Variants in PCDHGA4 observed in about 807,000 individuals in gnomAD.
PCDHGA4 encodes protocadherin gamma subfamily A, 4, also known as protocadherin gamma-A4.
Under a neutral mutation model 54.6 loss-of-function variants are expected in PCDHGA4, and 38 were observed. The ratio of observed to expected loss-of-function variants is 0.70; its 90% CI spans 0.54 to 0.91. PCDHGA4 has a LOEUF of 0.91. PCDHGA4 is among the 40% of genes least tolerant of loss of function. PCDHGA4 has a pLI of 0.00. For synonymous variants in PCDHGA4, 511 were observed against 512.9 expected, an observed-to-expected ratio of 1.00 and a Z score of 0.05; for missense variants, 1,298 against 1,220.9, an observed-to-expected ratio of 1.06 and a Z score of -0.94.
Position 141,486,552 on chromosome 5 carries a change from A to G in PCDHGA4, c.2515-8255A>G. On this transcript the variant is annotated intron_variant, in intron 1 of 3. Coordinates refer to ENST00000571252, the MANE Select transcript of PCDHGA4 (RefSeq NM_018917.4). This position sits in a 1 kb window ranked among gnomAD's most constrained non-coding sequence, Gnocchi z 5.0. ...CCACCCTCTTTCTTTCAGAGGTCAC[A>G]TGAGGTGTTTGTTCCTGAGAACAAT... is the stretch of plus-strand genomic sequence containing the variant. 1 of 1,614,136 alleles carries G rather than the reference A, an allele frequency of 6.2e-7. No homozygotes were observed. The highest frequency in any genetic ancestry group is 2.2e-5 in the East Asian group (1 of 44,882).
chr5:141,355,835 T>A lies in PCDHGA4; in HGVS notation c.728T>A (p.Leu243His), dbSNP rs971104967. 6.2e-7 allele frequency: 1 copy of A among 1,612,476 alleles called. No individual in the cohort carries two copies. The highest frequency in any genetic ancestry group is 8.5e-7 in the Non-Finnish European group (1 of 1,179,124). Residue 243 changes from leucine to histidine, a missense_variant, in exon 1 of 4, where the codon CTC becomes CAC. Physicochemically the swap from Leu to His is moderately conservative, Grantham distance 99. Coordinates refer to ENST00000571252, the MANE Select transcript of PCDHGA4 (RefSeq NM_018917.4). ...GAAGAGGCGGTTCACCACCTCGTTC[T>A]CACGGCCTTCGATGGAGGTGACCCG... ...REEEAVHHLV[L>H]TAFDGGDPVR...
intron 1 of PCDHGA4, chr5:141,360,587 C>T (rs1186405210): frequency 6.2e-6 from 10 of 1,613,882 alleles, no homozygotes; most frequent in Non-Finnish European, 6.8e-6. Flanking sequence ...CCAGGTACAA[C>T]ATTTCCACTT....
intron 1 of PCDHGA4, chr5:141,374,252 CAGG>C: frequency 6.2e-7 from 1 of 1,613,982 alleles, no homozygotes; most frequent in South Asian, 1.1e-5. Context: ...ACTGGAGCCC[CAGG>C]AGTTGGCGGA....
intron 1 of PCDHGA4, among the ~76,000 whole-genome samples, chr5:141,429,416 T>A (rs527999196): frequency 6.6e-6 from 1 of 152,230 alleles, no homozygotes; most frequent in Admixed American, 6.5e-5. Flanking sequence ...GGTCTCATTA[T>A]GTTGCCCAGG....
chr5:141,358,210 A>C (rs1279106050), intron 1 of PCDHGA4, among the ~76,000 whole-genome samples: 1 of 152,208 alleles, frequency 6.6e-6, no homozygotes, highest in Non-Finnish European at 1.5e-5. Flanking sequence ...AATAAAATAA[A>C]GTAAAATAAA....
intron 2 of PCDHGA4, among the ~76,000 whole-genome samples, chr5:141,499,869 G>A (rs1247615457): frequency 3.3e-5 from 5 of 151,938 alleles, no homozygotes; most frequent in Non-Finnish European, 5.9e-5. Context: ...TGTATTTTCA[G>A]TACAAACAGG....
chr5:141,479,333 G>A (rs2154577502), intron 1 of PCDHGA4: 1 of 152,652 alleles, frequency 6.6e-6, no homozygotes, highest in East Asian at 1.9e-4. Context: ...TCAGTGGTGT[G>A]CACCTGTAGT....
rs1471282660 is a variant in PCDHGA4 at position 141,356,276 on chromosome 5, C to A, written c.1169C>A (p.Ser390Tyr). Reference protein sequence around the residue: ...VTSLTSSVQESSSPGTVIALF... With the variant: ...VTSLTSSVQEYSSPGTVIALF... ...TCTCTCACCAGCTCAGTCCAGGAAT[C>A]TTCTTCCCCGGGTACAGTAATTGCA... The change falls in exon 1 of 4, where the codon TCT becomes TAT. Residue 390 changes from serine to tyrosine, a missense_variant. Physicochemically the swap from Ser to Tyr is moderately radical, Grantham distance 144. Coordinates refer to ENST00000571252, the MANE Select transcript of PCDHGA4 (RefSeq NM_018917.4). The A allele has an allele frequency of 2.1e-5, 33 of 1,559,972 alleles. No individual in the cohort carries two copies. The highest frequency in any genetic ancestry group is 2.8e-5 in the Non-Finnish European group (32 of 1,151,398).
At chr5:141,415,747 T>G (rs774746065) in intron 1 of PCDHGA4, 22 of 797,580 alleles carry the variant, frequency 2.8e-5, no homozygotes, top group Middle Eastern at 5.1e-4. Context: ...AAGGTTTTTT[T>G]TTTTTTTTTT....
intron 1 of PCDHGA4, among the ~76,000 whole-genome samples, chr5:141,401,638 TA>T (rs2094176765): frequency 1.3e-5 from 2 of 152,242 alleles, no homozygotes; most frequent in South Asian, 4.1e-4. Context: ...TTTGGAGCTT[TA>T]AATATAAATG....
At chr5:141,429,500 A>C (rs1050435175) in intron 1 of PCDHGA4, among the ~76,000 whole-genome samples, 1 of 152,148 alleles carries the variant, frequency 6.6e-6, no homozygotes, top group Non-Finnish European at 1.5e-5. Flanking sequence ...CAGTTGCCTG[A>C]AACTGTGCCT....
Position 141,355,219 on chromosome 5 carries a change from C to G in PCDHGA4, c.112C>G (p.Arg38Gly), listed in dbSNP as rs768131751. Reference sequence around the variant, plus strand: ...GGTTGTAATGGCGGCGCCTCCTGCTCGCCCAGACCACACCCGGCTGCTCCA... The same window carrying G: ...GGTTGTAATGGCGGCGCCTCCTGCTGGCCCAGACCACACCCGGCTGCTCCA... ...GGVVMAAPPA[R>G]PDHTRLLQIC... Residue 38 changes from arginine to glycine, a missense_variant, in exon 1 of 4, where the codon CGC (arginine) becomes GGC (glycine). Physicochemically the swap from Arg to Gly is moderately radical, Grantham distance 125 (BLOSUM62 -2). Transcript: ENST00000571252. 6.2e-7 allele frequency: 1 copy of G among 1,605,766 alleles called. No homozygotes were observed. Among genetic ancestry groups the G allele is most frequent in the Middle Eastern group, 2.0e-4 (1 of 5,042 alleles).
chr5:141,423,067 G>A (rs757110751), intron 1 of PCDHGA4: 10 of 1,614,024 alleles, frequency 6.2e-6, no homozygotes, highest in South Asian at 5.5e-5. Context: ...TAAGGCCAGC[G>A]AGCCGGGACT....
intron 1 of PCDHGA4, chr5:141,372,062 C>A (rs1768364404): frequency 1.2e-6 from 2 of 1,613,470 alleles, no homozygotes; most frequent in Non-Finnish European, 1.7e-6. Flanking sequence ...ACGACCGCAA[C>A]GACAATGCAC....
At position 141,384,907 on chromosome 5, in the gene PCDHGA4, G is replaced by A. The variant is rs753215361; in HGVS notation, c.2514+27286G>A. 1.5e-5 allele frequency: 24 copies of A among 1,613,952 alleles called. No homozygotes were observed. The South Asian group carries it at 2.3e-4, about 16-fold the overall frequency. ...CGTGGCTGTGGCTGACAGCATCCCCGAAGTCTTGGCCGACCTGGGCAGCCT... is the reference window on the plus strand; with the variant it reads ...CGTGGCTGTGGCTGACAGCATCCCCAAAGTCTTGGCCGACCTGGGCAGCCT... On this transcript the variant is annotated intron_variant, in intron 1 of 3. Transcript: ENST00000571252.
intron 1 of PCDHGA4, chr5:141,382,982 C>A (rs1778673770): frequency 6.2e-7 from 1 of 1,612,206 alleles, no homozygotes; most frequent in Non-Finnish European, 8.5e-7. Flanking sequence ...GAAGCCTGGG[C>A]AGGACGTATT....
chr5:141,408,889 A>G, intron 1 of PCDHGA4: 1 of 1,613,232 alleles, frequency 6.2e-7, no homozygotes, highest in Non-Finnish European at 8.5e-7. Flanking sequence ...CTCACATAGA[A>G]ATTTCTGTCA....
At chr5:141,387,369 G>A (rs2090919487) in intron 1 of PCDHGA4, among the ~76,000 whole-genome samples, 1 of 152,148 alleles carries the variant, frequency 6.6e-6, no homozygotes, top group African/African-American at 2.4e-5. Context: ...CTGTGTTATG[G>A]CTATCTTTAT....
chr5:141,446,075 A>G (rs907731619), intron 1 of PCDHGA4, among the ~76,000 whole-genome samples: 1 of 152,216 alleles, frequency 6.6e-6, no homozygotes, highest in Admixed American at 6.5e-5. Context: ...GAGGCAGTGG[A>G]TGTAGAAATA....
Sources: gnomAD v4.1 joint callset for allele counts (sites outside exome capture counted in the v4.1 genomes callset) on GRCh38, gnomAD v4.1.1 for gene constraint, Gnocchi (gnomAD v3.1) non-coding constraint, MANE v1.5 for transcripts, NCBI Gene and HGNC (gene_info 2026-07-23, HGNC 2026-07-21) for gene names.